Variants in EYA4 observed in about 807,000 individuals in gnomAD.
EYA4 encodes the protein protein phosphatase EYA4.
In EYA4, 31 loss-of-function variants were observed where a neutral mutation model predicts 87.9. The observed-to-expected ratio is 0.35, with a 90% confidence interval of 0.27 to 0.48. The LOEUF is 0.48. Ranked by LOEUF, EYA4 falls within the 20% of genes least tolerant of loss-of-function variation. EYA4 has a pLI of 0.99. For missense variants in EYA4, 678 were observed against 761.4 expected, an observed-to-expected ratio of 0.89 and a Z score of 1.29; for synonymous variants, 263 against 270.6, an observed-to-expected ratio of 0.97 and a Z score of 0.28.
intron 3 of EYA4, among the ~76,000 whole-genome samples, chr6:133,415,525 C>T (rs1295032756): frequency 6.6e-6 from 1 of 152,146 alleles, no homozygotes; most frequent in African/African-American, 2.4e-5. Flanking sequence ...GAATTTTCTT[C>T]CCTCTGGTAT....
rs1371042140 is a variant in EYA4, at chr6:133,499,862, T to G, written c.1192-6244T>G. Among the ~76,000 whole-genome samples the G allele has an allele frequency of 2.6e-5, 4 of 151,984 alleles. No homozygotes were observed. In the East Asian group the frequency reaches 7.7e-4, roughly 29 times the overall value. On this transcript the variant is annotated intron_variant, in intron 13 of 19. Coordinates refer to ENST00000355286, the MANE Select transcript of EYA4 (RefSeq NM_004100.5). ...TACTCAGTGATCACGCTGGCTCAAG[T>G]CCAGCCGTCCTGTGGAAGCACCACA...
chr6:133,363,985 C>G (rs1583067132), intron 2 of EYA4, among the ~76,000 whole-genome samples: 1 of 152,316 alleles, frequency 6.6e-6, no homozygotes, highest in African/African-American at 2.4e-5. Context: ...CAAGGTTCCC[C>G]TAAGTACCTG....
At chr6:133,304,353 C>T (rs540593640) in intron 2 of EYA4, among the ~76,000 whole-genome samples, 3 of 152,194 alleles carry the variant, frequency 2.0e-5, no homozygotes, top group African/African-American at 7.2e-5. Context: ...GAGGAGGGCA[C>T]CCCACTCTGT....
intron 13 of EYA4, among the ~76,000 whole-genome samples, chr6:133,490,936 T>C (rs1797097041): frequency 6.6e-6 from 1 of 152,194 alleles, no homozygotes; most frequent in Non-Finnish European, 1.5e-5. Flanking sequence ...TGGATCATTC[T>C]CATGATAGAC....
intron 11 of EYA4, among the ~76,000 whole-genome samples, chr6:133,481,075 G>A (rs1425015014): frequency 1.3e-5 from 2 of 152,004 alleles, no homozygotes; most frequent in Non-Finnish European, 2.9e-5. Flanking sequence ...TGACTTCCTA[G>A]GAGGTGGGGC....
chr6:133,477,910 C>A (rs1180651744), intron 11 of EYA4, among the ~76,000 whole-genome samples: 2 of 151,532 alleles, frequency 1.3e-5, no homozygotes, highest in East Asian at 3.9e-4. Flanking sequence ...AAGAAAAAGA[C>A]AAACAGCCTA....
intron 3 of EYA4, among the ~76,000 whole-genome samples, chr6:133,387,144 TA>T (rs1406191810): frequency 6.6e-6 from 1 of 152,280 alleles, no homozygotes; most frequent in Non-Finnish European, 1.5e-5. Context: ...TGCAACAGCT[TA>T]AAAAAATGAA....
chr6:133,516,067 G>A (rs1799570330), intron 17 of EYA4, among the ~76,000 whole-genome samples: 1 of 150,984 alleles, frequency 6.6e-6, no homozygotes, highest in South Asian at 2.1e-4. Context: ...ATGTAAGTAA[G>A]TCTGGAACGT....
At chr6:133,245,272 A>G (rs1340613951) in intron 1 of EYA4, 2 of 152,222 alleles carry the variant, frequency 1.3e-5, no homozygotes, top group Non-Finnish European at 2.9e-5. Flanking sequence ...TATTTAAGAA[A>G]TAAATAGAAA....
At chr6:133,300,866 A>G (rs1390081749) in intron 2 of EYA4, among the ~76,000 whole-genome samples, 2 of 152,224 alleles carry the variant, frequency 1.3e-5, no homozygotes, top group Non-Finnish European at 2.9e-5. Flanking sequence ...TGTCTTTTAT[A>G]ACTTTTAATG....
chr6:133,312,391 C>CAT (rs1401111574), intron 2 of EYA4, among the ~76,000 whole-genome samples: 1 of 122,508 alleles, frequency 8.2e-6, no homozygotes, highest in African/African-American at 2.6e-5. Flanking sequence ...TGCACACACA[C>CAT]ACACACACAC....
intron 2 of EYA4, among the ~76,000 whole-genome samples, chr6:133,343,001 A>C (rs1436570790): frequency 1.3e-5 from 2 of 152,188 alleles, no homozygotes; most frequent in African/African-American, 4.8e-5. Context: ...AGACGTGAAC[A>C]GTTGCCATAA....
At chr6:133,378,884 C>T (rs889813650) in intron 2 of EYA4, among the ~76,000 whole-genome samples, 1 of 149,322 alleles carries the variant, frequency 6.7e-6, no homozygotes, top group Non-Finnish European at 1.5e-5. Flanking sequence ...ACTTTATTTG[C>T]AGCAAGTTGC....
At chr6:133,348,047 A>G (rs181239269) in intron 2 of EYA4, among the ~76,000 whole-genome samples, 3 of 152,268 alleles carry the variant, frequency 2.0e-5, no homozygotes, top group African/African-American at 7.2e-5. Flanking sequence ...TTCTGCCATA[A>G]TTAGTTGTGT....
chr6:133,311,484 C>T (rs1780212559), intron 2 of EYA4, among the ~76,000 whole-genome samples: 1 of 151,788 alleles, frequency 6.6e-6, no homozygotes, highest in African/African-American at 2.4e-5. Context: ...TGCCAGCATG[C>T]CTGGCTAATT....
chr6:133,357,237 C>A (rs113081720), intron 2 of EYA4, among the ~76,000 whole-genome samples: 2,776 of 133,828 alleles, frequency 0.021, 99 homozygotes, highest in African/African-American at 0.077. Flanking sequence ...CGCCACTGCA[C>A]TCCAGCCTGG....
At chr6:133,307,383 T>C (rs1779892087) in intron 2 of EYA4, among the ~76,000 whole-genome samples, 1 of 152,172 alleles carries the variant, frequency 6.6e-6, no homozygotes, top group Non-Finnish European at 1.5e-5. Context: ...AAATGCCCCA[T>C]CTGTTGGGAA....
intron 19 of EYA4, among the ~76,000 whole-genome samples, chr6:133,527,382 G>A (rs1042787693): frequency 2.0e-5 from 3 of 152,142 alleles, no homozygotes; most frequent in African/African-American, 7.2e-5. Context: ...TTTAGGAATA[G>A]GAATGTCTAG....
In EYA4 at chr6:133,378,255, G is replaced by C. The variant is rs140066582; in HGVS notation, c.34-4137G>C. Reference sequence around the variant, plus strand: ...TTAAGTTGTAATTCCAGCCTTGCTAGTGTTAGCTGTGGGATATTAGGCAAG... The same window carrying C: ...TTAAGTTGTAATTCCAGCCTTGCTACTGTTAGCTGTGGGATATTAGGCAAG... On this transcript the variant is annotated intron_variant, in intron 2 of 19. Transcript: ENST00000355286. Among the ~76,000 whole-genome samples, 429 of 152,196 alleles carry C rather than the reference G, an allele frequency of 2.8e-3. 1 individual carries two copies. Among genetic ancestry groups the C allele is most frequent in the Non-Finnish European group, 4.8e-3 (323 of 67,984 alleles).
Sources: gnomAD v4.1 joint callset for allele counts (sites outside exome capture counted in the v4.1 genomes callset) on GRCh38, gnomAD v4.1.1 for gene constraint, MANE v1.5 for transcripts, NCBI Gene and HGNC (gene_info 2026-07-23, HGNC 2026-07-21) for gene names.